The following DOCK2 variants were observed in gnomAD, a reference collection of about 807,000 sequenced individuals.
DOCK2 encodes the protein dedicator of cytokinesis protein 2.
In DOCK2, 87 loss-of-function variants were observed where a neutral mutation model predicts 248.9. The observed-to-expected ratio is 0.35, with a 90% CI of 0.29 to 0.42. The LOEUF (loss-of-function observed/expected upper bound fraction) is 0.42, where lower values mean the gene tolerates loss of function less well. Among genes scored for constraint, DOCK2 ranks in the 10% least tolerant of loss-of-function variants. DOCK2 has a pLI of 1.00. For missense variants in DOCK2, 1,747 were observed against 2,300.2 expected, an observed-to-expected ratio of 0.76 and a Z score of 4.92; for synonymous variants, 805 against 821.6, an observed-to-expected ratio of 0.98 and a Z score of 0.35.
At chr5:169,809,808 G>A (rs534663116) in intron 26 of DOCK2, among the ~76,000 whole-genome samples, 91 of 152,310 alleles carry the variant, frequency 6.0e-4, no homozygotes, top group African/African-American at 1.8e-3. Flanking sequence ...TCACTGCGGC[G>A]GAGTGCCGTT....
At position 170,082,009 on chromosome 5, in the gene DOCK2, A is replaced by G. The variant is rs1375280626; in HGVS notation, c.5430+25A>G. The G allele has an allele frequency of 5.6e-6, 9 of 1,610,952 alleles. No homozygotes were observed. The Admixed American group carries it at 1.3e-4, about 24-fold the overall frequency. On this transcript the variant is annotated intron_variant, in intron 51 of 51. Transcript: ENST00000520908. ...GGTGAGGACATTGAGGGTGGAAGGAAAGGAAGGCATTGGGAGGAGAAAGGG... is the reference window on the plus strand; with the variant it reads ...GGTGAGGACATTGAGGGTGGAAGGAGAGGAAGGCATTGGGAGGAGAAAGGG...
intron 26 of DOCK2, among the ~76,000 whole-genome samples, chr5:169,838,435 G>A (rs1048160317): frequency 6.6e-6 from 1 of 152,166 alleles, no homozygotes. Flanking sequence ...GCAGAGTACC[G>A]GGCATTTAGG....
chr5:169,809,910 C>T (rs1480368681), intron 26 of DOCK2, among the ~76,000 whole-genome samples: 1 of 152,194 alleles, frequency 6.6e-6, no homozygotes, highest in Non-Finnish European at 1.5e-5. Flanking sequence ...TCCTGAGAAG[C>T]CTTCTCTAAT....
intron 22 of DOCK2, among the ~76,000 whole-genome samples, chr5:169,746,699 C>G (rs1369228378): frequency 6.6e-6 from 1 of 152,152 alleles, no homozygotes; most frequent in African/African-American, 2.4e-5. Flanking sequence ...ACATGAGGGA[C>G]TGGTTCTATG....
chr5:169,803,491 G>A (rs1261940983), intron 26 of DOCK2, among the ~76,000 whole-genome samples: 2 of 152,172 alleles, frequency 1.3e-5, no homozygotes, highest in Non-Finnish European at 2.9e-5. Context: ...GCTTGTCCAC[G>A]TACTCACGCC....
chr5:169,876,130 TCTC>T (rs1156859399), intron 27 of DOCK2, among the ~76,000 whole-genome samples: 1 of 152,124 alleles, frequency 6.6e-6, no homozygotes, highest in Non-Finnish European at 1.5e-5. Flanking sequence ...TGGCGTCACA[TCTC>T]CTTCTCTGAC....
chr5:170,067,677 G>T lies in DOCK2; in HGVS notation c.4635G>T (p.Lys1545Asn). The part of the protein sequence containing the change: ...VDPAVMGGFA[K>N]YEKAFFTEEY... ...CTGCTGTCATGGGAGGCTTCGCCAA[G>T]TATGAGAAGGTGAGGATTTCTGTTC... Residue 1545 changes from lysine to asparagine, a missense_variant, in exon 45 of 52, where the codon AAG (lysine) becomes AAT (asparagine). Around this residue, in one of 4 missense-constraint regions of DOCK2, gnomAD observed 513 missense variants for 586.1 expected, o/e 0.88. Transcript: ENST00000520908. The T allele has an allele frequency of 6.2e-7, 1 of 1,614,072 alleles. No homozygotes were observed. Among genetic ancestry groups the T allele is most frequent in the Non-Finnish European group, 8.5e-7 (1 of 1,179,936 alleles).
intron 27 of DOCK2, among the ~76,000 whole-genome samples, chr5:169,853,987 C>G (rs1225511667): frequency 5.3e-5 from 8 of 150,880 alleles, no homozygotes; most frequent in Admixed American, 2.6e-4. Flanking sequence ...AGGCGCCCAC[C>G]ACCATGCTGG....
At chr5:169,876,181 G>C (rs886994189) in intron 27 of DOCK2, among the ~76,000 whole-genome samples, 2 of 152,158 alleles carry the variant, frequency 1.3e-5, no homozygotes, top group African/African-American at 2.4e-5. Flanking sequence ...TGCGGCCCTT[G>C]TGATTACACT....
intron 37 of DOCK2, 65 bp downstream of exon 37, chr5:170,041,210 A>G: frequency 2.8e-6 from 4 of 1,418,050 alleles, no homozygotes; most frequent in Non-Finnish European, 4.0e-6. Flanking sequence ...AGCAAGTTGA[A>G]GAGTGAAAAA....
At chr5:169,772,914 A>C (rs1028953812) in intron 25 of DOCK2, 5 of 152,232 alleles carry the variant, frequency 3.3e-5, no homozygotes, top group African/African-American at 1.2e-4. Flanking sequence ...CTGGTCATTT[A>C]ACAGTGCCTC....
Position 169,684,185 on chromosome 5 carries a change from C to T in DOCK2, c.607-11C>T, listed in dbSNP as rs1454383449. The T allele has an allele frequency of 6.2e-7, 1 of 1,613,434 alleles. No individual in the cohort carries two copies. On this transcript the variant is annotated splice_polypyrimidine_tract_variant and intron_variant, in intron 7 of 51. Coordinates refer to ENST00000520908, the MANE Select transcript of DOCK2 (RefSeq NM_004946.3). ...TCTCCATCTTCTTTCCTTCTTCCTT[C>T]TGCCTTTCAGTCAAAAGACCAGCCA...
At chr5:169,904,633 C>T (rs766940953) in intron 27 of DOCK2, among the ~76,000 whole-genome samples, 4 of 152,172 alleles carry the variant, frequency 2.6e-5, no homozygotes, top group Non-Finnish European at 5.9e-5. Context: ...AGCCTCTCCC[C>T]CTAGTGAGGG....
intron 27 of DOCK2, among the ~76,000 whole-genome samples, chr5:169,923,494 C>T (rs1227171411): frequency 6.6e-6 from 1 of 151,958 alleles, no homozygotes; most frequent in African/African-American, 2.4e-5. Flanking sequence ...CACACACACA[C>T]ACACACACAC....
chr5:170,036,667 T>C, intron 36 of DOCK2, 112 bp downstream of exon 36: 1 of 993,654 alleles, frequency 1.0e-6, no homozygotes, highest in South Asian at 1.7e-5. Context: ...CTTCTTGACA[T>C]TCAGGCCCTC....
At chr5:169,778,638 AC>A (rs1251838119) in intron 25 of DOCK2, among the ~76,000 whole-genome samples, 2 of 152,224 alleles carry the variant, frequency 1.3e-5, no homozygotes, top group Non-Finnish European at 2.9e-5. Flanking sequence ...ATTTTGAGCT[AC>A]ACGAAGGATT....
intron 34 of DOCK2, among the ~76,000 whole-genome samples, chr5:170,029,755 T>A (rs1303076377): frequency 6.6e-6 from 1 of 152,216 alleles, no homozygotes; most frequent in East Asian, 1.9e-4. Context: ...TCACTCTGGT[T>A]TGGATTCTTT....
At position 170,082,002 on chromosome 5, in the gene DOCK2, G is replaced by A. The variant is rs371870535; in HGVS notation, c.5430+18G>A. On this transcript the variant is annotated intron_variant, in intron 51 of 51. Coordinates refer to ENST00000520908, the MANE Select transcript of DOCK2 (RefSeq NM_004946.3). ...AGACAATGGTGAGGACATTGAGGGT[G>A]GAAGGAAAGGAAGGCATTGGGAGGA... The A allele has an allele frequency of 2.5e-6, 4 of 1,610,732 alleles. No homozygotes were observed. The highest frequency in any genetic ancestry group is 3.4e-6 in the Non-Finnish European group (4 of 1,178,304).
chr5:169,809,466 A>G (rs1211885335), intron 26 of DOCK2, among the ~76,000 whole-genome samples: 1 of 152,184 alleles, frequency 6.6e-6, no homozygotes, highest in Non-Finnish European at 1.5e-5. Context: ...GATTTTCTCA[A>G]TTCCATTCCC....
Sources: allele counts gnomAD v4.1 joint callset (sites outside exome capture counted in the v4.1 genomes callset), GRCh38; gene constraint gnomAD v4.1.1; regional missense constraint gnomAD v4.1.1; transcripts MANE v1.5; gene names NCBI Gene and HGNC (gene_info 2026-07-23, HGNC 2026-07-21).